SIGLEC15: variants seen among roughly 807,000 people sequenced by gnomAD.
SIGLEC15 encodes sialic acid-binding Ig-like lectin 15.
Under a neutral mutation model 26.2 loss-of-function variants are expected in SIGLEC15, and 31 were observed. The observed-to-expected ratio is 1.18, with a 90% CI of 0.89 to 1.60. The LOEUF is 1.60. Among genes scored for constraint, SIGLEC15 ranks in the 40% most tolerant of loss-of-function variants. The probability of loss-of-function intolerance (pLI) is 0.00; values close to 1 mark genes in which losing one functional copy is unlikely to be tolerated. For synonymous variants in SIGLEC15, 207 were observed against 221.9 expected, an observed-to-expected ratio of 0.93 and a Z score of 0.60; for missense variants, 501 against 488.4, an observed-to-expected ratio of 1.03 and a Z score of -0.24.
chr18:45,834,593 A>C (rs1442679311), intron 1 of SIGLEC15, among the ~76,000 whole-genome samples: 1 of 152,206 alleles, frequency 6.6e-6, no homozygotes, highest in African/African-American at 2.4e-5. Flanking sequence ...GCCCATCTTT[A>C]CGGCATCTGG....
In SIGLEC15 at chr18:45,837,734, G is replaced by T. The variant is rs920453245; in HGVS notation, c.334G>T (p.Gly112Cys). 4.6e-6 allele frequency: 7 copies of T among 1,506,892 alleles called. No individual in the cohort carries two copies. The highest frequency in any genetic ancestry group is 1.2e-5 in the South Asian group (1 of 81,240). 93.3% of individuals were successfully genotyped at this position (1,506,892 alleles called of 1,614,324 possible). A position where few individuals can be genotyped will look rare whatever the true frequency, so the allele number is the denominator to read the frequency against. The change falls in exon 3 of 6, where the codon GGC becomes TGC. Residue 112 changes from glycine to cysteine, a missense_variant. Gly to Cys is a radical substitution (Grantham distance 159, BLOSUM62 -3). Transcript: ENST00000389474. ...CTGCCAGACGGCGCTGAGCCTGCAC[G>T]GCCGCTTCCGGCTGCTGGGCAACCC... The part of the protein sequence containing the change: ...ELCQTALSLH[G>C]RFRLLGNPRR...
chr18:45,828,962 C>A (rs796455129), intron 1 of SIGLEC15: 51 of 346,092 alleles, frequency 1.5e-4, no homozygotes, highest in African/African-American at 1.1e-3. Context: ...CAGGGCACTT[C>A]TCTCCCAGTG....
intron 2 of SIGLEC15, 44 bp from the exon 3 acceptor site, chr18:45,837,469 C>G (rs2048284704): frequency 7.0e-7 from 1 of 1,430,296 alleles, no homozygotes; most frequent in Non-Finnish European, 9.1e-7. Flanking sequence ...GCGGGCGCCT[C>G]GACCCCAGGG....
In SIGLEC15 at chr18:45,842,257, CA is replaced by C; in HGVS notation, c.*71del. ...AAAGGCCAGTGCGAGGCTTGGCTGG[CA>C]CAGCCAGTCCTGGTTCTCGGGCACC... On this transcript the variant is annotated 3_prime_UTR_variant, in exon 6 of 6. Transcript: ENST00000389474. 7 of 1,544,828 alleles carry C rather than the reference CA, an allele frequency of 4.5e-6. No individual in the cohort carries two copies. The highest frequency in any genetic ancestry group is 1.4e-5 in the African/African-American group (1 of 73,688).
Position 45,825,694 on chromosome 18 carries a change from G to A in SIGLEC15, c.-35G>A, listed in dbSNP as rs1393203311. The A allele has an allele frequency of 5.0e-6, 8 of 1,609,012 alleles. No individual in the cohort carries two copies. The South Asian group carries it at 5.5e-5, about 11-fold the overall frequency. ...GCCCTCACTGGGGAGGTGGCCGAGA[G>A]CGGGTCTGGCCTGGGGTGTTCAGAT... is the stretch of plus-strand genomic sequence containing the variant. On this transcript the variant is annotated 5_prime_UTR_variant, in exon 1 of 6. Transcript: ENST00000389474.
chr18:45,825,885 C>A, intron 1 of SIGLEC15, 105 bp downstream of exon 1: 4 of 1,387,790 alleles, frequency 2.9e-6, no homozygotes, highest in East Asian at 2.4e-5. Context: ...TGTGCAGAGC[C>A]TCCAGGCCTG....
chr18:45,831,601 A>G (rs772337971), intron 1 of SIGLEC15, among the ~76,000 whole-genome samples: 6 of 152,252 alleles, frequency 3.9e-5, no homozygotes, highest in Non-Finnish European at 7.3e-5. Flanking sequence ...TAAACTCTCA[A>G]TAAATACCTA....
intron 1 of SIGLEC15, among the ~76,000 whole-genome samples, chr18:45,829,694 T>C (rs575622447): frequency 2.4e-4 from 36 of 152,230 alleles, no homozygotes; most frequent in African/African-American, 8.4e-4. Context: ...TCCCAGATTG[T>C]TGGGCTCCTC....
intron 1 of SIGLEC15, among the ~76,000 whole-genome samples, chr18:45,830,456 G>A (rs148422157): frequency 6.6e-6 from 1 of 152,190 alleles, no homozygotes; most frequent in South Asian, 2.1e-4. Flanking sequence ...TCACTGCAAG[G>A]AGGCATGAAG....
intron 1 of SIGLEC15, among the ~76,000 whole-genome samples, chr18:45,832,890 C>G (rs181156843): frequency 1.4e-4 from 21 of 152,292 alleles, no homozygotes; most frequent in African/African-American, 5.1e-4. Context: ...CTCTGGGCAG[C>G]CTTATCCAAA....
At chr18:45,841,082 T>A (rs2048321187) in intron 5 of SIGLEC15, 1 of 152,158 alleles carries the variant, frequency 6.6e-6, no homozygotes, top group Admixed American at 6.5e-5. Context: ...TTTTAATAAA[T>A]ATGGAAACAC....
chr18:45,826,233 T>C (rs1465130575), intron 1 of SIGLEC15, among the ~76,000 whole-genome samples: 2 of 151,530 alleles, frequency 1.3e-5, no homozygotes, highest in African/African-American at 4.9e-5. Context: ...TGATTTCATG[T>C]GGGGGATATA....
chr18:45,839,440 A>G (rs545022719), intron 4 of SIGLEC15, among the ~76,000 whole-genome samples: 20 of 152,298 alleles, frequency 1.3e-4, no homozygotes, highest in African/African-American at 4.8e-4. Flanking sequence ...ACCTTCCTAA[A>G]TAGCACCGTT....
rs767987359 is a variant in SIGLEC15 at position 45,840,198 on chromosome 18, G to C, written c.875-13G>C. The C allele has an allele frequency of 1.9e-6, 3 of 1,612,966 alleles. No individual in the cohort carries two copies. Among genetic ancestry groups the C allele is most frequent in the Non-Finnish European group, 2.5e-6 (3 of 1,179,538 alleles). On this transcript the variant is annotated splice_polypyrimidine_tract_variant and intron_variant, in intron 4 of 5. Transcript: ENST00000389474. ...GGAGATTCATGCCTGCTCTCTTGCT[G>C]TCCCTCCCACAGAGCATCTGGACAC...
At chr18:45,827,247 C>T (rs1232359786) in intron 1 of SIGLEC15, among the ~76,000 whole-genome samples, 1 of 152,180 alleles carries the variant, frequency 6.6e-6, no homozygotes, top group African/African-American at 2.4e-5. Flanking sequence ...GAAACATTCT[C>T]TTTTCACAGA....
At position 45,838,939 on chromosome 18, in the gene SIGLEC15, G is replaced by A. The variant is rs775302450; in HGVS notation, c.718G>A (p.Ala240Thr). ...TGACGGCCGCTACACGTGTACGGCC[G>A]CCAACAGCCTGGGCCGCTCCGAGGC... ...THDGRYTCTA[A>T]NSLGRSEASV... Residue 240 changes from alanine (A) to threonine (T), a missense_variant, in exon 4 of 6, where the codon GCC (alanine) becomes ACC (threonine). Ala to Thr is a moderately conservative substitution (Grantham distance 58). Transcript: ENST00000389474. 1.9e-6 allele frequency: 3 copies of A among 1,604,760 alleles called. No individual in the cohort carries two copies. In the South Asian group the frequency reaches 3.3e-5, roughly 18 times the overall value.
At position 45,837,733 on chromosome 18, in the gene SIGLEC15, C is replaced by T; in HGVS notation, c.333C>T (p.His111=). ...TCTGCCAGACGGCGCTGAGCCTGCA[C>T]GGCCGCTTCCGGCTGCTGGGCAACC... ...SELCQTALSL[H]GRFRLLGNPR... The change falls in exon 3 of 6, where the codon CAC becomes CAT. Residue 111 remains histidine (H), a synonymous_variant. Transcript: ENST00000389474. 2.0e-6 allele frequency: 3 copies of T among 1,506,386 alleles called. No homozygotes were observed. Among genetic ancestry groups the T allele is most frequent in the Non-Finnish European group, 2.6e-6 (3 of 1,135,868 alleles). The allele number at this position is 1,506,386 out of a possible 1,614,324, so 93.3% of individuals were successfully genotyped here. A position where few individuals can be genotyped will look rare whatever the true frequency, so the allele number is the denominator to read the frequency against.
chr18:45,840,089 T>C, intron 4 of SIGLEC15, 122 bp from the exon 5 acceptor site: 1 of 1,055,356 alleles, frequency 9.5e-7, no homozygotes, highest in Non-Finnish European at 1.4e-6. Flanking sequence ...GCTAGTCTGC[T>C]GTTTGCTTCA....
intron 1 of SIGLEC15, among the ~76,000 whole-genome samples, chr18:45,828,215 G>A (rs1323570559): frequency 1.3e-5 from 2 of 152,180 alleles, no homozygotes; most frequent in Non-Finnish European, 2.9e-5. Flanking sequence ...CCCGCCAGTC[G>A]TGGTCCCTTC....
Sources: gnomAD v4.1 joint callset for allele counts (sites outside exome capture counted in the v4.1 genomes callset) on GRCh38, gnomAD v4.1.1 for gene constraint, MANE v1.5 for transcripts, NCBI Gene and HGNC (gene_info 2026-07-23, HGNC 2026-07-21) for gene names.